Variants in ERI3 observed in about 807,000 individuals in gnomAD.
ERI3 encodes the protein ERI1 exoribonuclease family member 3, also known as ERI1 exoribonuclease 3.
In ERI3, 18 loss-of-function variants were observed where a neutral mutation model predicts 44.4. That is an observed-to-expected ratio of 0.41 (90% CI 0.28 to 0.60). The LOEUF is 0.60. Among genes scored for constraint, ERI3 ranks in the 20% least tolerant of loss-of-function variants. The pLI is 0.36. For synonymous variants in ERI3, 183 were observed against 164.8 expected, an observed-to-expected ratio of 1.11 and a Z score of -0.84; for missense variants, 294 against 435.5, an observed-to-expected ratio of 0.68 and a Z score of 2.89.
At chr1:44,343,800 T>C (rs1024044290) in intron 2 of ERI3, among the ~76,000 whole-genome samples, 1 of 152,164 alleles carries the variant, frequency 6.6e-6, no homozygotes, top group Admixed American at 6.5e-5. Flanking sequence ...TGTCCTTGTT[T>C]ATAGGAAATG....
chr1:44,324,558 T>G (rs918582351), intron 3 of ERI3, among the ~76,000 whole-genome samples: 6 of 140,894 alleles, frequency 4.3e-5, no homozygotes, highest in Non-Finnish European at 6.0e-5. Flanking sequence ...CTTGGCTCAC[T>G]GCAAGCTCTG....
chr1:44,294,675 T>C (rs1458899044), intron 6 of ERI3, among the ~76,000 whole-genome samples: 1 of 152,206 alleles, frequency 6.6e-6, no homozygotes, highest in East Asian at 1.9e-4. Flanking sequence ...GAAGCCCCAG[T>C]AGGGAGTGGC....
At position 44,319,828 on chromosome 1, in the gene ERI3, GAGTGTTTTGGATTCATT is replaced by G. The variant is rs1646164218; in HGVS notation, c.490-101_490-85del. On this transcript the variant is annotated intron_variant, in intron 3 of 8. Transcript: ENST00000372257. ...CAGTAGCTCCAAGTCAACAAAGAAT[GAGTGTTTTGGATTCATT>G]AGTGTTTTGGGTTCATTAGCTCCTG... is the stretch of plus-strand genomic sequence containing the variant. The G allele has an allele frequency of 2.9e-6, 3 of 1,031,522 alleles. No individual in the cohort carries two copies. In the South Asian group the frequency reaches 4.3e-5, roughly 15 times the overall value. 63.9% of individuals were successfully genotyped at this position (1,031,522 alleles called of 1,614,324 possible).
intron 3 of ERI3, among the ~76,000 whole-genome samples, chr1:44,326,663 G>C (rs1220479988): frequency 2.0e-5 from 3 of 152,170 alleles, no homozygotes; most frequent in Non-Finnish European, 4.4e-5. Flanking sequence ...TTGGCTGTTT[G>C]GGTTTTAATT....
intron 7 of ERI3, among the ~76,000 whole-genome samples, chr1:44,274,652 G>A (rs1645147161): frequency 6.6e-6 from 1 of 152,206 alleles, no homozygotes; most frequent in Non-Finnish European, 1.5e-5. Context: ...AACAGCAGAT[G>A]TTGCAGAGAA....
chr1:44,230,787 T>C (rs1431130673), intron 8 of ERI3, among the ~76,000 whole-genome samples: 1 of 152,016 alleles, frequency 6.6e-6, no homozygotes, highest in African/African-American at 2.4e-5. Flanking sequence ...AGCCTCTTCC[T>C]TCTTTGACTT....
intron 7 of ERI3, among the ~76,000 whole-genome samples, chr1:44,282,821 G>A (rs1368799812): frequency 3.3e-5 from 5 of 152,144 alleles, no homozygotes; most frequent in African/African-American, 1.2e-4. Context: ...CCTCAGTTTC[G>A]CCTTGTACCT....
At chr1:44,322,144 A>G (rs191182477) in intron 3 of ERI3, among the ~76,000 whole-genome samples, 1 of 152,318 alleles carries the variant, frequency 6.6e-6, no homozygotes, top group Admixed American at 6.5e-5. Context: ...TATTTATTAT[A>G]AAATAGTATG....
chr1:44,302,756 G>C (rs976940610), intron 6 of ERI3, among the ~76,000 whole-genome samples: 5 of 152,188 alleles, frequency 3.3e-5, no homozygotes, highest in Non-Finnish European at 7.3e-5. Context: ...AAGGAGAGGA[G>C]AGGGGCATTC....
At chr1:44,281,413 C>T (rs1471733049) in intron 7 of ERI3, among the ~76,000 whole-genome samples, 2 of 151,494 alleles carry the variant, frequency 1.3e-5, no homozygotes, top group Non-Finnish European at 2.9e-5. Context: ...CATGGCAAAA[C>T]CCCTTCTCTA....
chr1:44,227,631 T>C (rs1245487350), intron 8 of ERI3, among the ~76,000 whole-genome samples: 2 of 152,224 alleles, frequency 1.3e-5, no homozygotes, highest in African/African-American at 4.8e-5. Flanking sequence ...AACCCTGTAT[T>C]ATCTGGCAAC....
intron 7 of ERI3, among the ~76,000 whole-genome samples, chr1:44,271,903 G>A (rs551983726): frequency 2.6e-5 from 4 of 152,308 alleles, no homozygotes; most frequent in African/African-American, 9.6e-5. Flanking sequence ...TGAGCTGAGG[G>A]TAAGCTGGTC....
upstream of ERI3, chr1:44,355,263 C>G: frequency 8.7e-7 from 1 of 1,154,974 alleles, no homozygotes; most frequent in Non-Finnish European, 1.1e-6. Context: ...GACTCACCTC[C>G]GCGCACTCTG....
At chr1:44,320,525 T>C (rs1264379088) in intron 3 of ERI3, among the ~76,000 whole-genome samples, 1 of 152,120 alleles carries the variant, frequency 6.6e-6, no homozygotes, top group Admixed American at 6.5e-5. Flanking sequence ...GCACGCCTCA[T>C]ACATCGCTCC....
At chr1:44,273,232 T>C (rs1413292545) in intron 7 of ERI3, among the ~76,000 whole-genome samples, 3 of 152,226 alleles carry the variant, frequency 2.0e-5, no homozygotes, top group Admixed American at 6.5e-5. Flanking sequence ...TAAGAACTAA[T>C]GCAGTTTCCA....
intron 5 of ERI3, among the ~76,000 whole-genome samples, chr1:44,308,812 A>G (rs1645893787): frequency 6.6e-6 from 1 of 152,156 alleles, no homozygotes; most frequent in East Asian, 1.9e-4. Context: ...CCACAGCTTC[A>G]CTCATTCATT....
chr1:44,345,369 T>C (rs1297296630), intron 2 of ERI3, among the ~76,000 whole-genome samples: 2 of 152,204 alleles, frequency 1.3e-5, no homozygotes, highest in Non-Finnish European at 2.9e-5. Context: ...GGATGGTGTA[T>C]GTTTATACCA....
At chr1:44,234,700 A>G (rs1246595352) in intron 8 of ERI3, among the ~76,000 whole-genome samples, 1 of 152,140 alleles carries the variant, frequency 6.6e-6, no homozygotes, top group Non-Finnish European at 1.5e-5. Context: ...AAACCCTTCA[A>G]TGAACCTGGA....
chr1:44,247,986 T>C lies in ERI3; in HGVS notation c.884A>G (p.Asn295Ser), dbSNP rs751065302. 6.2e-7 allele frequency: 1 copy of C among 1,612,814 alleles called. No homozygotes were observed. Among genetic ancestry groups the C allele is most frequent in the Non-Finnish European group, 8.5e-7 (1 of 1,179,506 alleles). The part of the protein sequence containing the change: ...CWPKNGLLDM[N>S]KGLSLQHIGR... ...TATGTGTTGCAGGCTGAGGCCCTTG[T>C]TCATGTCTAGAAGTCCATTCTTGGG... The change falls in exon 8 of 9, where the codon AAC becomes AGC. Residue 295 changes from asparagine (N) to serine (S), a missense_variant. Around this residue, in one of 2 missense-constraint regions of ERI3, gnomAD observed 187 missense variants for 338.6 expected, o/e 0.55. Transcript: ENST00000372257.
Sources: gnomAD v4.1 joint callset for allele counts (sites outside exome capture counted in the v4.1 genomes callset) on GRCh38, gnomAD v4.1.1 for gene constraint, gnomAD v4.1.1 regional missense constraint, MANE v1.5 for transcripts, NCBI Gene and HGNC (gene_info 2026-07-23, HGNC 2026-07-21) for gene names.